The following RBFOX1 variants were observed in gnomAD, a reference collection of about 807,000 sequenced individuals.
RBFOX1 encodes the protein RNA binding fox-1 homolog 1.
A neutral mutation model predicts 57.7 loss-of-function variants in RBFOX1; 8 were observed. That is an observed-to-expected ratio of 0.14 (90% CI 0.08 to 0.25). RBFOX1 has a LOEUF of 0.25. Ranked by LOEUF, RBFOX1 falls within the 10% of genes least tolerant of loss-of-function variation. The pLI is 1.00. For synonymous variants in RBFOX1, 326 were observed against 222.4 expected (o/e 1.47, Z -4.15); for missense variants, 611 against 548.5 (o/e 1.11, Z -1.14).
intron 4 of RBFOX1, among the ~76,000 whole-genome samples, chr16:7,469,442 C>G (rs1428929932): frequency 1.3e-5 from 2 of 152,166 alleles, no homozygotes; most frequent in African/African-American, 2.4e-5. Context: ...GAGGTTTTGT[C>G]ACTTGCAATG....
At chr16:5,768,700 G>C (rs1434628057) in intron 3 of RBFOX1, among the ~76,000 whole-genome samples, 1 of 152,098 alleles carries the variant, frequency 6.6e-6, no homozygotes. Flanking sequence ...ATGATTCTGA[G>C]CCCAGCCCAC....
intron 3 of RBFOX1, chr16:7,004,168 G>C (rs1372208667): frequency 6.6e-6 from 1 of 151,998 alleles, no homozygotes; most frequent in East Asian, 1.9e-4. Context: ...CTTATGCACA[G>C]AAGAATGATG....
intron 3 of RBFOX1, among the ~76,000 whole-genome samples, chr16:6,682,996 A>G (rs1286182142): frequency 1.3e-5 from 2 of 152,102 alleles, no homozygotes; most frequent in East Asian, 3.9e-4. Context: ...TGCTTTACAC[A>G]GCTGGGCAAG....
intron 4 of RBFOX1, among the ~76,000 whole-genome samples, chr16:7,182,002 T>A (rs2152528042): frequency 6.6e-6 from 1 of 152,330 alleles, no homozygotes; most frequent in African/African-American, 2.4e-5. Context: ...AGCATACCAC[T>A]GATTCCACCA....
At chr16:7,611,391 A>G (rs893986912) in intron 10 of RBFOX1, among the ~76,000 whole-genome samples, 1 of 152,168 alleles carries the variant, frequency 6.6e-6, no homozygotes, top group Non-Finnish European at 1.5e-5. Context: ...AGCCTGGCCA[A>G]CATGGTGAAA....
chr16:7,088,202 A>T (rs933022385), intron 4 of RBFOX1, among the ~76,000 whole-genome samples: 2 of 152,188 alleles, frequency 1.3e-5, no homozygotes, highest in Admixed American at 1.3e-4. Flanking sequence ...GTGAATTCAG[A>T]AAAAAGGTCT....
intron 1 of RBFOX1, among the ~76,000 whole-genome samples, chr16:6,313,468 A>G (rs1003653798): frequency 9.9e-5 from 15 of 152,178 alleles, no homozygotes; most frequent in African/African-American, 3.4e-4. Flanking sequence ...GGAAACAGAA[A>G]CGTTGCAGTA....
At chr16:6,539,410 C>G (rs1488072479) in intron 2 of RBFOX1, among the ~76,000 whole-genome samples, 1 of 152,156 alleles carries the variant, frequency 6.6e-6, no homozygotes, top group African/African-American at 2.4e-5. Flanking sequence ...CACATCAACG[C>G]TGGCTGTTAT....
chr16:6,540,339 C>A (rs1274834059), intron 2 of RBFOX1, among the ~76,000 whole-genome samples: 1 of 150,996 alleles, frequency 6.6e-6, no homozygotes, highest in African/African-American at 2.4e-5. Context: ...TCAGGCCTAG[C>A]GTGGTGGCTC....
intron 2 of RBFOX1, among the ~76,000 whole-genome samples, chr16:5,548,170 AAAAAATATATAT>A (rs1255959103): frequency 0.18 from 7,326 of 40,412 alleles, 371 homozygotes; most frequent in East Asian, 0.42. Flanking sequence ...AAAAAAAAAA[AAAAAATATATAT>A]ATATATATAT....
At position 6,981,855 on chromosome 16, in the gene RBFOX1, A is replaced by C. The variant is rs371381599; in HGVS notation, c.-15-70202A>C. 3.9e-5 allele frequency among the ~76,000 whole-genome samples: 6 copies of C among 152,164 alleles called. No homozygotes were observed. The South Asian group carries it at 1.0e-3, about 26-fold the overall frequency. On this transcript the variant is annotated intron_variant, in intron 3 of 15. Transcript: ENST00000550418. ...ACAGCCAAGCCATATCATCCAGTCT[A>C]CACTGATGACATTTAAGTTGATTCC...
intron 3 of RBFOX1, among the ~76,000 whole-genome samples, chr16:6,775,481 T>A (rs1187005384): frequency 6.6e-6 from 1 of 151,534 alleles, no homozygotes; most frequent in Non-Finnish European, 1.5e-5. Flanking sequence ...AAATAGGTGA[T>A]AAGATTAAAA....
At chr16:7,008,548 A>G (rs1211688827) in intron 3 of RBFOX1, among the ~76,000 whole-genome samples, 2 of 152,046 alleles carry the variant, frequency 1.3e-5, no homozygotes, top group African/African-American at 2.4e-5. Flanking sequence ...TCAAAAAAAA[A>G]GTAGAATTCA....
intron 3 of RBFOX1, among the ~76,000 whole-genome samples, chr16:5,644,573 G>A (rs568853827): frequency 6.6e-6 from 1 of 152,320 alleles, no homozygotes; most frequent in African/African-American, 2.4e-5. Context: ...ACTCAGCCGT[G>A]TCTCTGATTT....
intron 3 of RBFOX1, among the ~76,000 whole-genome samples, chr16:5,812,835 C>T (rs549154454): frequency 6.6e-6 from 1 of 152,040 alleles, no homozygotes; most frequent in Non-Finnish European, 1.5e-5. Context: ...TTTGCATTTT[C>T]CTCGTGACTA....
At chr16:5,397,121 G>C (rs908390376) in intron 1 of RBFOX1, among the ~76,000 whole-genome samples, 2 of 152,186 alleles carry the variant, frequency 1.3e-5, no homozygotes, top group African/African-American at 4.8e-5. Context: ...CTCATCCAAA[G>C]GCAGAAGCAA....
At position 6,837,647 on chromosome 16, in the gene RBFOX1, C is replaced by G. The variant is rs531925562; in HGVS notation, c.-16+182997C>G. ...GCTCAATCTCTCTAAGCCTCACTCC[C>G]TCATTGAAAATTGAGGATAATAATA... is the stretch of plus-strand genomic sequence containing the variant. On this transcript the variant is annotated intron_variant, in intron 3 of 15. Transcript: ENST00000550418. Among the ~76,000 whole-genome samples the G allele has an allele frequency of 3.3e-3, 506 of 152,300 alleles. 3 individuals are homozygous for G. The highest frequency in any genetic ancestry group is 0.012 in the African/African-American group (480 of 41,564).
At chr16:7,421,285 C>G (rs931633921) in intron 4 of RBFOX1, among the ~76,000 whole-genome samples, 1 of 152,132 alleles carries the variant, frequency 6.6e-6, no homozygotes, top group African/African-American at 2.4e-5. Context: ...AAAATACCAT[C>G]CTTGGACACT....
chr16:5,550,822 C>G (rs2045432910), intron 2 of RBFOX1, among the ~76,000 whole-genome samples: 1 of 152,128 alleles, frequency 6.6e-6, no homozygotes, highest in South Asian at 2.1e-4. Flanking sequence ...GAATTGTCAC[C>G]TTTATTTTTG....
Sources: allele counts gnomAD v4.1 joint callset (sites outside exome capture counted in the v4.1 genomes callset), GRCh38; gene constraint gnomAD v4.1.1; transcripts MANE v1.5; gene names NCBI Gene and HGNC (gene_info 2026-07-23, HGNC 2026-07-21).